HCRTR2: variants seen among roughly 807,000 people sequenced by gnomAD.
HCRTR2 encodes hypocretin receptor 2.
HCRTR2 carries 22 observed loss-of-function variants against 49.0 expected under a neutral mutation model. That is an observed-to-expected ratio of 0.45 (90% CI 0.32 to 0.64). The LOEUF is 0.64. Ranked by LOEUF, HCRTR2 falls within the 30% of genes least tolerant of loss-of-function variation. The pLI, the probability that HCRTR2 is intolerant of heterozygous loss-of-function variation, is 0.04. For missense variants in HCRTR2, 491 were observed against 559.4 expected (o/e 0.88, Z 1.23); for synonymous variants, 236 against 205.3 (o/e 1.15, Z -1.28).
In HCRTR2 at chr6:55,202,316, G is replaced by A. The variant is rs74761679; in HGVS notation, c.223+27506G>A. ...CTCTCAACCCACTCATGAAATTAAA[G>A]CACATTGGAAAACATTTATCAACTA... On this transcript the variant is annotated intron_variant, in intron 1 of 6. Transcript: ENST00000370862. Among the ~76,000 whole-genome samples the A allele has an allele frequency of 1.7e-3, 253 of 152,228 alleles. 1 individual carries two copies. Among genetic ancestry groups the A allele is most frequent in the African/African-American group, 5.6e-3 (234 of 41,542 alleles).
chr6:55,152,360 C>G (rs1764675225), intron 1 of HCRTR2, among the ~76,000 whole-genome samples: 1 of 151,798 alleles, frequency 6.6e-6, no homozygotes. Context: ...TACCTTTTGG[C>G]CATTCATATG....
rs770310033 is a variant in HCRTR2 at position 55,282,233 on chromosome 6, C to G, written c.1114C>G (p.Arg372Gly). The G allele has an allele frequency of 5.0e-6, 8 of 1,612,066 alleles. No homozygotes were observed. Among genetic ancestry groups the G allele is most frequent in the Admixed American group, 1.7e-5 (1 of 59,820 alleles). ...TTCTCTCTGTTTGCCAGGAAAATTT[C>G]GAGAGGAATTTAAAGCTGCGTTTTC... is the stretch of plus-strand genomic sequence containing the variant. ...IIYNFLSGKF[R>G]EEFKAAFSCC... The change falls in exon 7 of 7, where the codon CGA becomes GGA. Residue 372 changes from arginine to glycine, a missense_variant. Coordinates refer to ENST00000370862, the MANE Select transcript of HCRTR2 (RefSeq NM_001384272.1).
chr6:55,131,671 T>G (rs928904339), intron 1 of HCRTR2, among the ~76,000 whole-genome samples: 4 of 151,790 alleles, frequency 2.6e-5, no homozygotes, highest in African/African-American at 9.7e-5. Context: ...TGTACAAAAT[T>G]TCATTGGAAT....
intron 1 of HCRTR2, among the ~76,000 whole-genome samples, chr6:55,155,737 T>A (rs764894202): frequency 3.3e-5 from 5 of 151,988 alleles, no homozygotes; most frequent in Non-Finnish European, 5.9e-5. Flanking sequence ...ATTTTCAAGG[T>A]GACAAAAAAA....
At chr6:55,159,618 A>C (rs1178536288) in intron 1 of HCRTR2, among the ~76,000 whole-genome samples, 1 of 152,244 alleles carries the variant, frequency 6.6e-6, no homozygotes, top group Non-Finnish European at 1.5e-5. Flanking sequence ...GCTAACTAGA[A>C]TAACCAGTTT....
At chr6:55,188,347 A>G (rs979258434) in intron 1 of HCRTR2, among the ~76,000 whole-genome samples, 1 of 152,214 alleles carries the variant, frequency 6.6e-6, no homozygotes, top group Non-Finnish European at 1.5e-5. Flanking sequence ...GTCAAGCCAG[A>G]CATAGATTTT....
At chr6:55,237,388 G>C (rs1486382784) in intron 1 of HCRTR2, among the ~76,000 whole-genome samples, 1 of 152,168 alleles carries the variant, frequency 6.6e-6, no homozygotes, top group Non-Finnish European at 1.5e-5. Flanking sequence ...CTTTAGGAGA[G>C]CTTGTCTACT....
chr6:55,204,956 T>G (rs1210787264), intron 1 of HCRTR2, among the ~76,000 whole-genome samples: 1 of 152,132 alleles, frequency 6.6e-6, no homozygotes, highest in Non-Finnish European at 1.5e-5. Context: ...CAGCTGATTT[T>G]TTTTAGTTTT....
rs1265430139 is a variant in HCRTR2 at position 55,174,749 on chromosome 6, G to T, written c.162G>T (p.Glu54Asp). 3 of 1,613,450 alleles carry T rather than the reference G, an allele frequency of 1.9e-6. No individual in the cohort carries two copies. In the African/African-American group the frequency reaches 4.0e-5, roughly 22 times the overall value. Residue 54 changes from glutamate (E) to aspartate (D), a missense_variant, in exon 1 of 7, where the codon GAG becomes GAT. Coordinates refer to ENST00000370862, the MANE Select transcript of HCRTR2 (RefSeq NM_001384272.1). Reference sequence around the variant, plus strand: ...AATACCTGCACCCGAAAGAATATGAGTGGGTCCTGATCGCCGGGTACATCA... The same window carrying T: ...AATACCTGCACCCGAAAGAATATGATTGGGTCCTGATCGCCGGGTACATCA... ...WREYLHPKEY[E>D]WVLIAGYIIV...
intron 2 of HCRTR2, among the ~76,000 whole-genome samples, chr6:55,251,523 T>C (rs1292760063): frequency 6.6e-6 from 1 of 152,048 alleles, no homozygotes; most frequent in Admixed American, 6.6e-5. Context: ...AGAGTGATTT[T>C]TTTTAACTGC....
rs201712224 is a variant in HCRTR2 at position 55,161,764 on chromosome 6, CT to C, written c.-377-12445del. On this transcript the variant is annotated intron_variant, in intron 1 of 7. Coordinates refer to the HCRTR2 transcript ENST00000615358. ...TGGATAAATTCCTGGACACATACAC[CT>C]TCCCAAGACTAAACCAGGAAGAAGT... 5.1e-3 allele frequency among the ~76,000 whole-genome samples: 770 copies of C among 152,088 alleles called. 6 individuals are homozygous for C. Among genetic ancestry groups the C allele is most frequent in the African/African-American group, 0.018 (727 of 41,496 alleles).
intron 1 of HCRTR2, among the ~76,000 whole-genome samples, chr6:55,162,776 T>C (rs923782574): frequency 3.3e-5 from 5 of 152,150 alleles, no homozygotes; most frequent in African/African-American, 1.2e-4. Flanking sequence ...GTGAAGGACC[T>C]CTTCAAGGAG....
chr6:55,222,864 T>TA (rs1223097739), intron 1 of HCRTR2, among the ~76,000 whole-genome samples: 1 of 152,172 alleles, frequency 6.6e-6, no homozygotes, highest in Non-Finnish European at 1.5e-5. Context: ...TGATGTACAA[T>TA]AATATGCATA....
chr6:55,191,211 A>G (rs1325754454), intron 1 of HCRTR2, among the ~76,000 whole-genome samples: 2 of 152,232 alleles, frequency 1.3e-5, no homozygotes, highest in South Asian at 2.1e-4. Flanking sequence ...TAGTGCGTAC[A>G]TTGGTGTAAT....
At chr6:55,205,558 G>C (rs1048893385) in intron 1 of HCRTR2, among the ~76,000 whole-genome samples, 2 of 152,052 alleles carry the variant, frequency 1.3e-5, no homozygotes, top group African/African-American at 4.8e-5. Context: ...AAAGTAAGTA[G>C]AGTGAATTCA....
chr6:55,186,110 C>T (rs563562458), intron 1 of HCRTR2, among the ~76,000 whole-genome samples: 2 of 152,160 alleles, frequency 1.3e-5, no homozygotes, highest in East Asian at 3.9e-4. Flanking sequence ...CTGTTGTCTC[C>T]CTTAAGTAAA....
chr6:55,261,193 G>A (rs989465970), intron 3 of HCRTR2, among the ~76,000 whole-genome samples: 4 of 152,006 alleles, frequency 2.6e-5, no homozygotes, highest in African/African-American at 9.7e-5. Context: ...TCGAATACAA[G>A]TACAAAAATA....
intron 1 of HCRTR2, among the ~76,000 whole-genome samples, chr6:55,162,507 G>T (rs1429298606): frequency 2.6e-5 from 4 of 152,142 alleles, no homozygotes; most frequent in African/African-American, 9.7e-5. Context: ...GCAAGAGAAA[G>T]AAATAGAAGG....
At chr6:55,166,060 T>C (rs1203708335) in intron 1 of HCRTR2, among the ~76,000 whole-genome samples, 1 of 152,036 alleles carries the variant, frequency 6.6e-6, no homozygotes, top group Non-Finnish European at 1.5e-5. Context: ...GTCAAATGCC[T>C]TTTCTGTGTC....
Sources: allele counts gnomAD v4.1 joint callset (sites outside exome capture counted in the v4.1 genomes callset), GRCh38; gene constraint gnomAD v4.1.1; transcripts MANE v1.5; gene names NCBI Gene and HGNC (gene_info 2026-07-23, HGNC 2026-07-21).